The following PTPRN2 variants were observed in gnomAD, a reference collection of about 807,000 sequenced individuals.
PTPRN2 encodes receptor-type tyrosine-protein phosphatase N2.
Under a neutral mutation model 118.8 loss-of-function variants are expected in PTPRN2, and 74 were observed. That is an observed-to-expected ratio of 0.62 (90% CI 0.52 to 0.76). The LOEUF (loss-of-function observed/expected upper bound fraction) is 0.76, where lower values mean the gene tolerates loss of function less well. PTPRN2 is among the 30% of genes least tolerant of loss of function. PTPRN2 has a pLI of 0.00. For missense variants in PTPRN2, 1,481 were observed against 1,394.4 expected (o/e 1.06, Z -0.99); for synonymous variants, 641 against 608.0 (o/e 1.05, Z -0.80).
intron 13 of PTPRN2, among the ~76,000 whole-genome samples, chr7:157,681,718 G>T (rs1199658927): frequency 1.3e-5 from 2 of 152,202 alleles, no homozygotes; most frequent in East Asian, 1.9e-4. Flanking sequence ...GCTGGAGGGC[G>T]CTTTGTGGAG....
At position 157,539,315 on chromosome 7, in the gene PTPRN2, T is replaced by C. The variant is rs1365247418; in HGVS notation, c.*1399A>G. 2 of 151,904 alleles carry C rather than the reference T, an allele frequency of 1.3e-5. No homozygotes were observed. The highest frequency in any genetic ancestry group is 2.4e-5 in the African/African-American group (1 of 41,132). The allele number at this position is 151,904 out of a possible 1,614,324, so 9.4% of individuals were successfully genotyped here. On this transcript the variant is annotated 3_prime_UTR_variant, in exon 23 of 23. Coordinates refer to ENST00000389418, the MANE Select transcript of PTPRN2 (RefSeq NM_002847.5). ...TTTTGGCATCATTCTGTCCGCTCAG[T>C]AGGCCGTGTTCCCTCTGGTAGGGCC...
chr7:157,752,117 G>A (rs1475112854), intron 12 of PTPRN2, among the ~76,000 whole-genome samples: 7 of 152,164 alleles, frequency 4.6e-5, no homozygotes, highest in Admixed American at 2.0e-4. Context: ...TCCTCCACAC[G>A]CACTCACGAG....
intron 13 of PTPRN2, among the ~76,000 whole-genome samples, chr7:157,656,967 A>G (rs1298044924): frequency 2.2e-5 from 3 of 134,994 alleles, no homozygotes; most frequent in African/African-American, 8.4e-5. Context: ...ACACACACAT[A>G]CACCACACAC....
chr7:157,765,343 A>C (rs1236431772), intron 12 of PTPRN2, among the ~76,000 whole-genome samples: 2 of 149,798 alleles, frequency 1.3e-5, no homozygotes, highest in Non-Finnish European at 3.0e-5. Context: ...CCATCCACCC[A>C]TCCATCATCC....
intron 10 of PTPRN2, among the ~76,000 whole-genome samples, chr7:158,094,255 G>C (rs1340231530): frequency 6.6e-6 from 1 of 152,192 alleles, no homozygotes; most frequent in Non-Finnish European, 1.5e-5. Context: ...AGGAGCAGCA[G>C]AACGCTCGCC....
chr7:157,656,273 C>T lies in PTPRN2; in HGVS notation c.2196+84G>A, dbSNP rs113077084. The T allele has an allele frequency of 2.8e-4, 380 of 1,361,762 alleles. 1 individual carries two copies. In the African/African-American group the frequency reaches 4.6e-3, roughly 16 times the overall value. 84.4% of individuals were successfully genotyped at this position (1,361,762 alleles called of 1,614,324 possible). ...TCATCGCCCAGTCCCCGAGGGTCAG[C>T]GGGCGCAGATGCTGGGTGTTGCAGG... On this transcript the variant is annotated intron_variant, in intron 14 of 22. Transcript: ENST00000389418.
chr7:158,321,475 G>A (rs1268478708), intron 2 of PTPRN2, among the ~76,000 whole-genome samples: 1 of 152,150 alleles, frequency 6.6e-6, no homozygotes, highest in Non-Finnish European at 1.5e-5. Context: ...AGCCCGGACT[G>A]ACCCGTCCAG....
chr7:158,416,893 C>A (rs967613443), intron 2 of PTPRN2, among the ~76,000 whole-genome samples: 5 of 152,198 alleles, frequency 3.3e-5, no homozygotes, highest in African/African-American at 1.2e-4. Flanking sequence ...TGGCAAAGCA[C>A]AAAATGTTGG....
chr7:157,979,843 C>T (rs955254631), intron 11 of PTPRN2, among the ~76,000 whole-genome samples: 2 of 152,178 alleles, frequency 1.3e-5, no homozygotes, highest in Non-Finnish European at 2.9e-5. Context: ...CCTGCTCAAT[C>T]GCAGCCCAGG....
At chr7:157,643,928 C>T (rs1003308212) in intron 14 of PTPRN2, among the ~76,000 whole-genome samples, 17 of 152,362 alleles carry the variant, frequency 1.1e-4, no homozygotes, top group African/African-American at 1.4e-4. Context: ...GCTCGCCGCA[C>T]GCTCAGCTCA....
chr7:158,377,054 C>T (rs12668810), intron 2 of PTPRN2, among the ~76,000 whole-genome samples: 2 of 119,442 alleles, frequency 1.7e-5, no homozygotes, highest in South Asian at 3.4e-4. Context: ...CCCTGTCACA[C>T]GTCCTGAGAG....
At chr7:158,285,717 G>A (rs901811761) in intron 3 of PTPRN2, among the ~76,000 whole-genome samples, 4 of 152,230 alleles carry the variant, frequency 2.6e-5, no homozygotes, top group African/African-American at 7.2e-5. Flanking sequence ...GTGGAATGAG[G>A]AGTGGAACAG....
intron 2 of PTPRN2, among the ~76,000 whole-genome samples, chr7:158,382,797 A>G (rs2335556): frequency 0.88 from 134,620 of 152,202 alleles, 60,919 homozygotes; most frequent in Non-Finnish European, 0.97. Context: ...ATTAACATGA[A>G]CAGAGAGGTC....
At chr7:158,532,843 A>AT in intron 1 of PTPRN2, 1 of 533,698 alleles carries the variant, frequency 1.9e-6, no homozygotes, top group South Asian at 1.4e-5. Context: ...GGCAGAGAGA[A>AT]TGTGGCCCGT....
Position 158,282,720 on chromosome 7 carries a change from G to A in PTPRN2, c.277+34099C>T, listed in dbSNP as rs762117559. 1.6e-4 allele frequency among the ~76,000 whole-genome samples: 24 copies of A among 148,202 alleles called. 1 individual carries two copies. The highest frequency in any genetic ancestry group is 2.2e-4 in the South Asian group (1 of 4,646). On this transcript the variant is annotated intron_variant, in intron 3 of 22. Transcript: ENST00000389418. ...CCGGACAGACGGCTGATCCCTCCTCGTGCTCCCACATGCAGCAGCCAGACA... is the reference window on the plus strand; with the variant it reads ...CCGGACAGACGGCTGATCCCTCCTCATGCTCCCACATGCAGCAGCCAGACA...
rs34585215 is a variant in PTPRN2 at position 157,927,500 on chromosome 7, C to G, written c.1724-28763G>C. Among the ~76,000 whole-genome samples the G allele has an allele frequency of 1.7e-4, 10 of 60,080 alleles. 2 individuals carry two copies. In the East Asian group the frequency reaches 6.9e-3, roughly 42 times the overall value. The allele number at this position is 60,080 out of a possible 152,430, so 39.4% of individuals were successfully genotyped here. On this transcript the variant is annotated intron_variant, in intron 11 of 22. Coordinates refer to ENST00000389418, the MANE Select transcript of PTPRN2 (RefSeq NM_002847.5). ...AGAGACCTCACATCTGCTGGGACCC[C>G]GAAGACAGGAAGCCCCAGGGACCCG...
At chr7:157,799,543 C>T (rs138942436) in intron 12 of PTPRN2, among the ~76,000 whole-genome samples, 28 of 152,218 alleles carry the variant, frequency 1.8e-4, no homozygotes, top group East Asian at 7.7e-4. Flanking sequence ...GCTCCATGTG[C>T]GGGTCCCTCA....
intron 18 of PTPRN2, among the ~76,000 whole-genome samples, chr7:157,577,180 T>C (rs1800102115): frequency 6.6e-6 from 1 of 152,230 alleles, no homozygotes; most frequent in Non-Finnish European, 1.5e-5. Context: ...GGTTCCACTC[T>C]AAGTGAGACT....
At chr7:157,659,607 A>G (rs1795794857) in intron 13 of PTPRN2, among the ~76,000 whole-genome samples, 1 of 152,004 alleles carries the variant, frequency 6.6e-6, no homozygotes, top group African/African-American at 2.4e-5. Context: ...ATACATCTTC[A>G]GGTACTTGTT....
Sources: gnomAD v4.1 joint callset for allele counts (sites outside exome capture counted in the v4.1 genomes callset) on GRCh38, gnomAD v4.1.1 for gene constraint, MANE v1.5 for transcripts, NCBI Gene and HGNC (gene_info 2026-07-23, HGNC 2026-07-21) for gene names.